The following ITPR2 variants were observed in gnomAD, a reference collection of about 807,000 sequenced individuals.
ITPR2 encodes the protein inositol 1,4,5-trisphosphate-gated calcium channel ITPR2.
ITPR2 carries 207 observed loss-of-function variants against 317.1 expected under a neutral mutation model. The observed-to-expected ratio is 0.65, with a 90% CI of 0.58 to 0.73. ITPR2 has a LOEUF of 0.73. Among genes scored for constraint, ITPR2 ranks in the 30% least tolerant of loss-of-function variants. ITPR2 has a pLI of 0.00. For synonymous variants in ITPR2, 1,156 were observed against 1,149.1 expected (o/e 1.01, Z -0.12); for missense variants, 2,613 against 3,284.0 (o/e 0.80, Z 4.99).
chr12:26,718,769 A>T (rs746276998), intron 5 of ITPR2, among the ~76,000 whole-genome samples: 23 of 151,680 alleles, frequency 1.5e-4, no homozygotes, highest in Non-Finnish European at 2.6e-4. Flanking sequence ...GCACCATCAC[A>T]CCCAGCTAAT....
At chr12:26,401,390 C>T (rs1440146578) in intron 52 of ITPR2, among the ~76,000 whole-genome samples, 1 of 152,026 alleles carries the variant, frequency 6.6e-6, no homozygotes, top group African/African-American at 2.4e-5. Context: ...TGATAAGAAG[C>T]ACAATGTATT....
chr12:26,368,200 C>T (rs948370798), intron 55 of ITPR2, among the ~76,000 whole-genome samples: 1 of 152,202 alleles, frequency 6.6e-6, no homozygotes, highest in Non-Finnish European at 1.5e-5. Context: ...ATTACAACAC[C>T]ACAAAATATC....
rs1937890338 is a variant in ITPR2, at chr12:26,335,477, T to C, written c.*3920A>G. Among the ~76,000 whole-genome samples, 1 of 152,208 alleles carries C rather than the reference T, an allele frequency of 6.6e-6. No individual in the cohort carries two copies. The highest frequency in any genetic ancestry group is 2.4e-5 in the African/African-American group (1 of 41,454). ...AGGAGAGAAAGTCTTCTTGGTGATA[T>C]GAGAAATACTGGTGTGATAATTTCA... On this transcript the variant is annotated 3_prime_UTR_variant, in exon 57 of 57. Transcript: ENST00000381340.
At chr12:26,386,024 A>G (rs959981250) in intron 55 of ITPR2, among the ~76,000 whole-genome samples, 2 of 152,200 alleles carry the variant, frequency 1.3e-5, no homozygotes, top group African/African-American at 4.8e-5. Context: ...TCCAAGGCAT[A>G]TAACAGGAGT....
At chr12:26,517,379 T>C (rs996693981) in intron 37 of ITPR2, among the ~76,000 whole-genome samples, 2 of 152,056 alleles carry the variant, frequency 1.3e-5, no homozygotes, top group East Asian at 1.9e-4. Flanking sequence ...CATTGAAAAA[T>C]GGCCAAAGGA....
At chr12:26,715,589 A>C in intron 7 of ITPR2, 144 bp from the exon 8 acceptor site, 1 of 855,304 alleles carries the variant, frequency 1.2e-6, no homozygotes, top group Non-Finnish European at 1.8e-6. Flanking sequence ...TAAACATTTA[A>C]AAATGTGGGG....
At chr12:26,488,414 A>T (rs561056983) in intron 39 of ITPR2, among the ~76,000 whole-genome samples, 1 of 152,216 alleles carries the variant, frequency 6.6e-6, no homozygotes, top group South Asian at 2.1e-4. Flanking sequence ...CATGACCCAC[A>T]GGTCTTGGGA....
chr12:26,804,822 A>T (rs915970409), intron 1 of ITPR2, among the ~76,000 whole-genome samples: 1 of 151,880 alleles, frequency 6.6e-6, no homozygotes. Context: ...TACAACCTTG[A>T]CCTCCCTGTT....
At chr12:26,553,617 T>G (rs1944584277) in intron 36 of ITPR2, among the ~76,000 whole-genome samples, 1 of 151,908 alleles carries the variant, frequency 6.6e-6, no homozygotes, top group Admixed American at 6.6e-5. Context: ...AAACCCTGTC[T>G]CTTAAAAAAC....
At chr12:26,578,115 A>G (rs1945317443) in intron 34 of ITPR2, among the ~76,000 whole-genome samples, 1 of 151,966 alleles carries the variant, frequency 6.6e-6, no homozygotes, top group African/African-American at 2.4e-5. Context: ...CCAAGTGTGC[A>G]TTTCTTCTCT....
chr12:26,488,693 C>T (rs1191398403), intron 39 of ITPR2, among the ~76,000 whole-genome samples: 2 of 123,696 alleles, frequency 1.6e-5, no homozygotes, highest in African/African-American at 5.1e-5. Context: ...TCTACAATCC[C>T]ATGAATTAAG....
At chr12:26,535,077 A>G (rs1944051296) in intron 37 of ITPR2, among the ~76,000 whole-genome samples, 1 of 152,168 alleles carries the variant, frequency 6.6e-6, no homozygotes, top group Non-Finnish European at 1.5e-5. Flanking sequence ...GAGGTGGTGG[A>G]TATGCTGAAT....
At chr12:26,565,527 T>TAGATAGATAGATAGAC (rs368553155) in intron 34 of ITPR2, among the ~76,000 whole-genome samples, 29 of 139,700 alleles carry the variant, frequency 2.1e-4, no homozygotes, top group Non-Finnish European at 3.1e-4. Context: ...GATAGATAGA[T>TAGATAGATAGATAGAC]AGACAGACAG....
At chr12:26,818,049 T>C (rs557374245) in intron 1 of ITPR2, among the ~76,000 whole-genome samples, 1 of 152,376 alleles carries the variant, frequency 6.6e-6, no homozygotes, top group East Asian at 1.9e-4. Flanking sequence ...TAGTAGTCTA[T>C]GATACAAAAA....
intron 41 of ITPR2, among the ~76,000 whole-genome samples, chr12:26,485,578 A>G (rs960484853): frequency 1.3e-4 from 20 of 152,260 alleles, no homozygotes; most frequent in Non-Finnish European, 2.5e-4. Flanking sequence ...AGGAAAATGC[A>G]GGAAAGAAGA....
chr12:26,577,276 G>T (rs537277627), intron 34 of ITPR2, among the ~76,000 whole-genome samples: 1 of 152,364 alleles, frequency 6.6e-6, no homozygotes, highest in South Asian at 2.1e-4. Flanking sequence ...ATCCTTGTGG[G>T]GTGTGGCCCA....
chr12:26,546,603 A>T (rs1944395279), intron 37 of ITPR2, among the ~76,000 whole-genome samples: 1 of 152,094 alleles, frequency 6.6e-6, no homozygotes, highest in African/African-American at 2.4e-5. Context: ...AGCAATCCTG[A>T]GTGAAAAGAA....
intron 32 of ITPR2, among the ~76,000 whole-genome samples, chr12:26,590,735 A>T (rs1945677733): frequency 6.6e-6 from 1 of 152,196 alleles, no homozygotes; most frequent in African/African-American, 2.4e-5. Flanking sequence ...AGTAACACCC[A>T]ACAAGCACAG....
intron 55 of ITPR2, among the ~76,000 whole-genome samples, chr12:26,379,140 G>A (rs1939430086): frequency 6.6e-6 from 1 of 152,168 alleles, no homozygotes. Flanking sequence ...ATCCGTTTGT[G>A]CAAGCTGTGC....
Sources: gnomAD v4.1 joint callset for allele counts (sites outside exome capture counted in the v4.1 genomes callset) on GRCh38, gnomAD v4.1.1 for gene constraint, MANE v1.5 for transcripts, NCBI Gene and HGNC (gene_info 2026-07-23, HGNC 2026-07-21) for gene names.